PRR3: variants seen among roughly 807,000 people sequenced by gnomAD.
PRR3 encodes the protein proline-rich protein 3.
Under a neutral mutation model 22.4 loss-of-function variants are expected in PRR3, and 16 were observed. The observed-to-expected ratio is 0.71, with a 90% CI of 0.48 to 1.09. The LOEUF (loss-of-function observed/expected upper bound fraction) is 1.09, where lower values mean the gene tolerates loss of function less well. Among genes scored for constraint, PRR3 ranks in the 50% least tolerant of loss-of-function variants. The pLI, the probability that PRR3 is intolerant of heterozygous loss-of-function variation, is 0.00. For missense variants in PRR3, 224 were observed against 243.4 expected (o/e 0.92, Z 0.53); for synonymous variants, 87 against 88.6 (o/e 0.98, Z 0.10).
chr6:30,562,632 TC>T lies in PRR3; in HGVS notation c.*142del. 4 of 630,240 alleles carry T rather than the reference TC, an allele frequency of 6.3e-6. No individual in the cohort carries two copies. Among genetic ancestry groups the T allele is most frequent in the Non-Finnish European group, 8.4e-6 (3 of 356,800 alleles). 39.0% of individuals were successfully genotyped at this position (630,240 alleles called of 1,614,324 possible). ...TGACACACCCATCCCATCCACCACT[TC>T]CCCCGTGTGGGGTCCAGAGTGGTGT... On this transcript the variant is annotated 3_prime_UTR_variant, in exon 4 of 4. Coordinates refer to ENST00000376560, the MANE Select transcript of PRR3 (RefSeq NM_025263.4).
rs57691105 is a variant in PRR3, at chr6:30,560,734, G to A, written c.170-1100G>A. On this transcript the variant is annotated intron_variant, in intron 2 of 3. Coordinates refer to ENST00000376560, the MANE Select transcript of PRR3 (RefSeq NM_025263.4). Reference sequence around the variant, plus strand: ...GGAGGCAGAGGTTGCAGTGAGCCAAGATCGCGCCACTGCACTCCAGCCTGG... The same window carrying A: ...GGAGGCAGAGGTTGCAGTGAGCCAAAATCGCGCCACTGCACTCCAGCCTGG... 1,274 of 152,406 alleles carry A rather than the reference G, an allele frequency of 8.4e-3. 21 individuals are homozygous for A. The highest frequency in any genetic ancestry group is 0.056 in the South Asian group (272 of 4,834). 9.4% of individuals were successfully genotyped at this position (152,406 alleles called of 1,614,324 possible). A position where few individuals can be genotyped will look rare whatever the true frequency, so the allele number is the denominator to read the frequency against.
In PRR3 at chr6:30,561,878, C is replaced by T; in HGVS notation, c.214C>T (p.Pro72Ser). The change falls in exon 3 of 4, where the codon CCA becomes TCA. Residue 72 changes from proline to serine, a missense_variant. Coordinates refer to ENST00000376560, the MANE Select transcript of PRR3 (RefSeq NM_025263.4). This position sits in a 1 kb window ranked among gnomAD's most constrained non-coding sequence, Gnocchi z 4.0. ...AGGATCAAGGGGACCACTGATTCCA[C>T]CACTGCTGAGTCTCCCACCTCCTCC... Reference protein sequence around the residue: ...PPGSRGPLIPPLLSLPPPPWG... With the variant: ...PPGSRGPLIPSLLSLPPPPWG... The T allele has an allele frequency of 6.3e-7, 1 of 1,596,182 alleles. No homozygotes were observed.
At chr6:30,558,366 A>C (rs559247537) in intron 2 of PRR3, 154 bp downstream of exon 2, 1 of 633,630 alleles carries the variant, frequency 1.6e-6, no homozygotes, top group African/African-American at 1.8e-5. Context: ...TAAAAACTCA[A>C]TGTTGTAAAA....
At position 30,561,420 on chromosome 6, in the gene PRR3, A is replaced by T. The variant is rs749773504; in HGVS notation, c.170-414A>T. 20 of 480,528 alleles carry T rather than the reference A, an allele frequency of 4.2e-5. No individual in the cohort carries two copies. Among genetic ancestry groups the T allele is most frequent in the South Asian group, 2.8e-4 (18 of 64,522 alleles). The allele number at this position is 480,528 out of a possible 1,614,324, so 29.8% of individuals were successfully genotyped here. ...TGCAATGGGACTACACTGCAACGAA[A>T]ATGAATGAACTGCTGCTACAGGCAA... On this transcript the variant is annotated intron_variant, in intron 2 of 3. Coordinates refer to ENST00000376560, the MANE Select transcript of PRR3 (RefSeq NM_025263.4). This position sits in a 1 kb window ranked among gnomAD's most constrained non-coding sequence, Gnocchi z 4.0.
At position 30,558,157 on chromosome 6, in the gene PRR3, C is replaced by G; in HGVS notation, c.114C>G (p.Pro38=). The part of the protein sequence containing the change: ...DEEDGSPIGP[P]SLLGPPPMAN... ...TTTCATGTCTGCTCTTAGGACCACCCAGCCTTCTGGGCCCTCCCCCCATGG... is the reference window on the plus strand; with the variant it reads ...TTTCATGTCTGCTCTTAGGACCACCGAGCCTTCTGGGCCCTCCCCCCATGG... Residue 38 remains proline, a synonymous_variant, in exon 2 of 4, where the codon CCC becomes CCG. Transcript: ENST00000376560. 1.2e-6 allele frequency: 2 copies of G among 1,612,918 alleles called. 1 individual carries two copies. Among genetic ancestry groups the G allele is most frequent in the South Asian group, 2.2e-5 (2 of 91,082 alleles).
Position 30,561,778 on chromosome 6 carries a change from A to G in PRR3, c.170-56A>G. On this transcript the variant is annotated intron_variant, in intron 2 of 3. Coordinates refer to ENST00000376560, the MANE Select transcript of PRR3 (RefSeq NM_025263.4). This position sits in a 1 kb window ranked among gnomAD's most constrained non-coding sequence, Gnocchi z 4.0. ...AAAATTTTTTTAATCACGGTTTATC[A>G]GGATTCAGCTGCCCATTAGACACCT... 1 of 1,458,004 alleles carries G rather than the reference A, an allele frequency of 6.9e-7. No individual in the cohort carries two copies. The highest frequency in any genetic ancestry group is 1.4e-5 in the South Asian group (1 of 70,264). 90.3% of individuals were successfully genotyped at this position (1,458,004 alleles called of 1,614,324 possible).
intron 1 of PRR3, 90 bp downstream of exon 1, chr6:30,557,540 A>G (rs1348687639): frequency 6.6e-6 from 6 of 905,118 alleles, no homozygotes; most frequent in Non-Finnish European, 1.0e-5. Context: ...AGGGGGCTGT[A>G]ACGGAAGGAG....
At position 30,558,172 on chromosome 6, in the gene PRR3, T is replaced by C; in HGVS notation, c.129T>C (p.Pro43=). 1.2e-6 allele frequency: 2 copies of C among 1,612,500 alleles called. No individual in the cohort carries two copies. Among genetic ancestry groups the C allele is most frequent in the South Asian group, 1.1e-5 (1 of 91,058 alleles). Residue 43 remains proline, a synonymous_variant, in exon 2 of 4, where the codon CCT becomes CCC. Transcript: ENST00000376560. The part of the protein sequence containing the change: ...SPIGPPSLLG[P]PPMANGKPGD... ...TAGGACCACCCAGCCTTCTGGGCCC[T>C]CCCCCCATGGCCAATGGAAAACCTG...
upstream of PRR3, chr6:30,556,930 G>T (rs1800258012): frequency 1.6e-6 from 1 of 614,212 alleles, no homozygotes; most frequent in Non-Finnish European, 2.9e-6. This position sits in a 1 kb window ranked among gnomAD's most constrained non-coding sequence, Gnocchi z 5.7. Flanking sequence ...CAAAGGGCAC[G>T]AAGTTGTGCC....
At chr6:30,559,338 C>T (rs1299039088) in intron 2 of PRR3, among the ~76,000 whole-genome samples, 1 of 152,156 alleles carries the variant, frequency 6.6e-6, no homozygotes, top group Admixed American at 6.5e-5. Flanking sequence ...GATTGCACCA[C>T]TGCACTCCAG....
intron 1 of PRR3, among the ~76,000 whole-genome samples, chr6:30,557,896 C>T (rs1045140834): frequency 1.3e-5 from 2 of 152,008 alleles, no homozygotes; most frequent in African/African-American, 4.8e-5. Flanking sequence ...AGCGACGGTA[C>T]GGTGAAGAAA....
intron 1 of PRR3, 98 bp downstream of exon 1, chr6:30,557,548 G>C (rs1415254376): frequency 3.8e-6 from 3 of 792,966 alleles, no homozygotes; most frequent in Non-Finnish European, 6.0e-6. Context: ...GTAACGGAAG[G>C]AGGAAGGGCG....
At chr6:30,558,673 GAAA>G (rs903742838) in intron 2 of PRR3, among the ~76,000 whole-genome samples, 7 of 151,754 alleles carry the variant, frequency 4.6e-5, no homozygotes, top group Non-Finnish European at 1.0e-4. Flanking sequence ...AATACAAGAA[GAAA>G]AAAAGACTTA....
rs774629740 is a variant in PRR3 at position 30,558,152 on chromosome 6, C to G, written c.109C>G (p.Pro37Ala). The G allele has an allele frequency of 1.2e-6, 2 of 1,612,674 alleles. No homozygotes were observed. The highest frequency in any genetic ancestry group is 1.7e-6 in the Non-Finnish European group (2 of 1,179,686). Residue 37 changes from proline to alanine, a missense_variant and splice_region_variant, in exon 2 of 4, where the codon CCA becomes GCA. Pro to Ala is a conservative substitution (Grantham distance 27). Coordinates refer to ENST00000376560, the MANE Select transcript of PRR3 (RefSeq NM_025263.4). ...GDEEDGSPIG[P>A]PSLLGPPPMA... ...CATATTTTCATGTCTGCTCTTAGGACCACCCAGCCTTCTGGGCCCTCCCCC... is the reference window on the plus strand; with the variant it reads ...CATATTTTCATGTCTGCTCTTAGGAGCACCCAGCCTTCTGGGCCCTCCCCC...
At chr6:30,562,327 T>C (rs755381675) in intron 3 of PRR3, 62 bp from the exon 4 acceptor site, 32 of 1,332,934 alleles carry the variant, frequency 2.4e-5, no homozygotes, top group Non-Finnish European at 3.2e-5. Flanking sequence ...TCTCTGCGTT[T>C]CATTGTATTT....
chr6:30,562,114 G>A lies in PRR3; in HGVS notation c.450G>A (p.Gln150=), dbSNP rs767895989. The A allele has an allele frequency of 6.4e-7, 1 of 1,574,412 alleles. No individual in the cohort carries two copies. Among genetic ancestry groups the A allele is most frequent in the Non-Finnish European group, 8.6e-7 (1 of 1,162,932 alleles). ...CCTGCCCGCCCAAGGATGACCCCCA[G>A]GTTATGGAAGGTGAGGTCCATTTTG... ...KNTCPPKDDP[Q]VMEDKSDRPV... Residue 150 remains glutamine, a synonymous_variant, in exon 3 of 4, where the codon CAG becomes CAA. Transcript: ENST00000376560.
At chr6:30,556,883 G>T (rs1800251799), upstream of PRR3, 2 of 598,904 alleles carry the variant, frequency 3.3e-6, no homozygotes, top group Non-Finnish European at 5.9e-6. This position sits in a 1 kb window ranked among gnomAD's most constrained non-coding sequence, Gnocchi z 5.7. Flanking sequence ...GGGCGAGAAG[G>T]GAAACCCAAG....
In PRR3 at chr6:30,562,081, C is replaced by T. The variant is rs552339301; in HGVS notation, c.417C>T (p.Ile139=). 1.9e-6 allele frequency: 3 copies of T among 1,608,606 alleles called. No homozygotes were observed. The Admixed American group carries it at 5.1e-5, about 27-fold the overall frequency. ...GAAGGCTCAAAAGCTGGTCTCTTATCAAGAATACCTGCCCGCCCAAGGATG... is the reference window on the plus strand; with the variant it reads ...GAAGGCTCAAAAGCTGGTCTCTTATTAAGAATACCTGCCCGCCCAAGGATG... ...NPRRLKSWSL[I]KNTCPPKDDP... The change falls in exon 3 of 4, where the codon ATC becomes ATT. Residue 139 remains isoleucine, a synonymous_variant. Transcript: ENST00000376560.
chr6:30,562,791 G>A lies in PRR3; in HGVS notation c.*296G>A, dbSNP rs1582543606. ...CCGTCATCAAATGACTGCTGAACAG[G>A]AAACCTCTTTGGTGCTGTTTCTTGT... On this transcript the variant is annotated 3_prime_UTR_variant, in exon 4 of 4. Coordinates refer to ENST00000376560, the MANE Select transcript of PRR3 (RefSeq NM_025263.4). 1 of 307,264 alleles carries A rather than the reference G, an allele frequency of 3.3e-6. No homozygotes were observed. Among genetic ancestry groups the A allele is most frequent in the East Asian group, 5.6e-5 (1 of 17,716 alleles). 19.0% of individuals were successfully genotyped at this position (307,264 alleles called of 1,614,324 possible).
Sources: gnomAD v4.1 joint callset for allele counts (sites outside exome capture counted in the v4.1 genomes callset) on GRCh38, gnomAD v4.1.1 for gene constraint, Gnocchi (gnomAD v3.1) non-coding constraint, MANE v1.5 for transcripts, NCBI Gene and HGNC (gene_info 2026-07-23, HGNC 2026-07-21) for gene names.